The following PTPRG variants were observed in gnomAD, a reference collection of about 807,000 sequenced individuals.
PTPRG encodes protein tyrosine phosphatase receptor type G.
Under a neutral mutation model 165.3 loss-of-function variants are expected in PTPRG, and 102 were observed. The ratio of observed to expected loss-of-function variants is 0.62; its 90% confidence interval spans 0.53 to 0.73. The LOEUF (loss-of-function observed/expected upper bound fraction) is 0.73, where lower values mean the gene tolerates loss of function less well. Ranked by LOEUF, PTPRG falls within the 30% of genes least tolerant of loss-of-function variation. The probability of loss-of-function intolerance (pLI) is 0.00; values close to 1 mark genes in which losing one functional copy is unlikely to be tolerated. For missense variants in PTPRG, 1,866 were observed against 1,861.4 expected (o/e 1.00, Z -0.05); for synonymous variants, 675 against 669.5 (o/e 1.01, Z -0.13).
In PTPRG at chr3:62,281,686, G is replaced by T; in HGVS notation, c.3889G>T (p.Asp1297Tyr). ...LSNEEQIIIHDFILEATQDDY... is the reference protein window; with the variant it reads ...LSNEEQIIIHYFILEATQDDY... Reference sequence around the variant, plus strand: ...TAATGAAGAACAAATTATCATCCATGACTTTATCCTTGAAGCTACACAGGT... The same window carrying T: ...TAATGAAGAACAAATTATCATCCATTACTTTATCCTTGAAGCTACACAGGT... Residue 1297 changes from aspartate to tyrosine, a missense_variant, in exon 27 of 30, where the codon GAC (aspartate) becomes TAC (tyrosine). By Grantham distance (160) the Asp-to-Tyr change is radical (BLOSUM62 -3). Coordinates refer to ENST00000474889, the MANE Select transcript of PTPRG (RefSeq NM_002841.4). 1 of 1,611,580 alleles carries T rather than the reference G, an allele frequency of 6.2e-7. No homozygotes were observed. The highest frequency in any genetic ancestry group is 8.5e-7 in the Non-Finnish European group (1 of 1,178,684).
At chr3:62,263,309 C>CA (rs1463207809) in intron 17 of PTPRG, 1 of 180,086 alleles carries the variant, frequency 5.6e-6, no homozygotes, top group Non-Finnish European at 1.2e-5. Context: ...CTTTCAAAGA[C>CA]TACATAATTG....
intron 19 of PTPRG, among the ~76,000 whole-genome samples, chr3:62,268,664 G>C (rs1275781042): frequency 1.3e-5 from 2 of 152,022 alleles, no homozygotes; most frequent in African/African-American, 4.8e-5. Context: ...ATCCAACCCG[G>C]CCTTCCAAAT....
At chr3:61,657,125 A>G (rs550777257) in intron 1 of PTPRG, among the ~76,000 whole-genome samples, 23 of 152,298 alleles carry the variant, frequency 1.5e-4, no homozygotes, top group African/African-American at 5.5e-4. Context: ...GTGCCAAAGT[A>G]TGATTGGAGG....
chr3:61,966,904 A>G (rs564646634), intron 2 of PTPRG, among the ~76,000 whole-genome samples: 2 of 152,312 alleles, frequency 1.3e-5, no homozygotes, highest in East Asian at 3.9e-4. Context: ...TATTAAGGCC[A>G]CTTTGGCCGA....
chr3:61,692,458 A>G (rs2030281045), intron 1 of PTPRG, among the ~76,000 whole-genome samples: 1 of 152,210 alleles, frequency 6.6e-6, no homozygotes. Context: ...ACTACATTTT[A>G]CAGTTTGGAA....
rs550470521 is a variant in PTPRG, at chr3:62,269,885, C to G, written c.3009+716C>G. Among the ~76,000 whole-genome samples the G allele has an allele frequency of 1.6e-4, 25 of 152,102 alleles. 1 individual carries two copies. The South Asian group carries it at 4.4e-3, about 27-fold the overall frequency. On this transcript the variant is annotated intron_variant, in intron 20 of 29. Coordinates refer to ENST00000474889, the MANE Select transcript of PTPRG (RefSeq NM_002841.4). ...CTTGAAACCTCAGGTAGTACTGAAG[C>G]CTATTTATAACAATGTCTTTTCCTA...
intron 2 of PTPRG, among the ~76,000 whole-genome samples, chr3:61,767,239 T>TGAAAAAAAAAA (rs1371380259): frequency 0.083 from 6,027 of 72,630 alleles, 1,847 homozygotes; most frequent in African/African-American, 0.14. Context: ...AGATTCCATC[T>TGAAAAAAAAAA]CAAAAAAAAA....
intron 5 of PTPRG, among the ~76,000 whole-genome samples, chr3:62,122,176 T>G (rs1478954136): frequency 6.6e-6 from 1 of 152,186 alleles, no homozygotes; most frequent in Non-Finnish European, 1.5e-5. Context: ...GACCCTTAAA[T>G]CAAATGCTCC....
At chr3:62,227,326 C>G (rs574315410) in intron 13 of PTPRG, among the ~76,000 whole-genome samples, 2 of 152,312 alleles carry the variant, frequency 1.3e-5, no homozygotes, top group South Asian at 2.1e-4. Context: ...TTCACCCCAG[C>G]AAAGTCACAA....
At chr3:62,164,457 G>A (rs1265221166) in intron 7 of PTPRG, among the ~76,000 whole-genome samples, 4 of 152,144 alleles carry the variant, frequency 2.6e-5, no homozygotes, top group Non-Finnish European at 5.9e-5. Context: ...AAAATGACAG[G>A]GTTTTAGTGA....
intron 2 of PTPRG, among the ~76,000 whole-genome samples, chr3:61,847,786 A>T (rs1024683548): frequency 1.3e-5 from 2 of 152,246 alleles, no homozygotes; most frequent in African/African-American, 4.8e-5. Flanking sequence ...GCTGGTCAAC[A>T]TGTCCAGATA....
intron 4 of PTPRG, among the ~76,000 whole-genome samples, chr3:62,070,571 C>T (rs553068066): frequency 2.0e-5 from 3 of 152,356 alleles, no homozygotes; most frequent in Non-Finnish European, 4.4e-5. Flanking sequence ...ATCTTTCTGT[C>T]TACAGGCAAT....
chr3:61,927,018 A>G (rs562211519), intron 2 of PTPRG, among the ~76,000 whole-genome samples: 34 of 152,316 alleles, frequency 2.2e-4, no homozygotes, highest in African/African-American at 7.9e-4. Context: ...ATCATTTGCC[A>G]TCGTTCATGA....
intron 1 of PTPRG, chr3:61,743,183 G>T: frequency 1.3e-6 from 1 of 764,868 alleles, no homozygotes; most frequent in Non-Finnish European, 2.3e-6. Flanking sequence ...GGCTGGAAAT[G>T]AGGTAGGCTC....
intron 4 of PTPRG, among the ~76,000 whole-genome samples, chr3:62,016,065 A>C (rs1364435895): frequency 6.6e-6 from 1 of 152,350 alleles, no homozygotes; most frequent in East Asian, 1.9e-4. Flanking sequence ...GTGATCATTA[A>C]GCACATTATT....
rs990652973 is a variant in PTPRG at position 61,984,651 on chromosome 3, G to C, written c.191-4974G>C. ...CACAAAAGAATGACCTTTTGACAAG[G>C]ACCTACTAGGAACCCAACATGGGTG... On this transcript the variant is annotated intron_variant, in intron 2 of 29. Transcript: ENST00000474889. 3.9e-5 allele frequency among the ~76,000 whole-genome samples: 6 copies of C among 152,272 alleles called. No homozygotes were observed. The South Asian group carries it at 1.2e-3, about 32-fold the overall frequency.
intron 4 of PTPRG, among the ~76,000 whole-genome samples, chr3:62,017,759 G>T (rs960994947): frequency 6.6e-6 from 1 of 152,176 alleles, no homozygotes; most frequent in Non-Finnish European, 1.5e-5. Context: ...TTCTTCCAGA[G>T]TGTAGCTCTT....
chr3:61,696,307 G>A (rs534464018), intron 1 of PTPRG, among the ~76,000 whole-genome samples: 6 of 152,300 alleles, frequency 3.9e-5, no homozygotes, highest in Admixed American at 2.6e-4. Flanking sequence ...TTCGAGACCG[G>A]TCTGACCAAC....
At chr3:61,562,842 C>T (rs1346118633) in intron 1 of PTPRG, among the ~76,000 whole-genome samples, 1 of 152,114 alleles carries the variant, frequency 6.6e-6, no homozygotes, top group Non-Finnish European at 1.5e-5. Context: ...TTGCTGTTCT[C>T]CATCCCTTTG....
Sources: gnomAD v4.1 joint callset for allele counts (sites outside exome capture counted in the v4.1 genomes callset) on GRCh38, gnomAD v4.1.1 for gene constraint, MANE v1.5 for transcripts, NCBI Gene and HGNC (gene_info 2026-07-23, HGNC 2026-07-21) for gene names.